RXRA: variants seen among roughly 807,000 people sequenced by gnomAD.
RXRA encodes the protein retinoid X receptor alpha, also known as retinoic acid receptor RXR-alpha.
A neutral mutation model predicts 44.5 loss-of-function variants in RXRA; 5 were observed. The observed-to-expected ratio is 0.11, with a 90% CI of 0.06 to 0.24. RXRA has a LOEUF of 0.24. Among genes scored for constraint, RXRA ranks in the 10% least tolerant of loss-of-function variants. The pLI is 1.00. For missense variants in RXRA, 412 were observed against 646.5 expected, an observed-to-expected ratio of 0.64 and a Z score of 3.93; for synonymous variants, 291 against 271.4, an observed-to-expected ratio of 1.07 and a Z score of -0.71.
chr9:134,432,089 T>TGCCGTCTGGGCTCCGCGGTTC (rs1831541505), intron 8 of RXRA, 93 bp downstream of exon 8: 1 of 950,178 alleles, frequency 1.1e-6, no homozygotes, highest in South Asian at 1.5e-5. Context: ...TGCCTCTGGC[T>TGCCGTCTGGGCTCCGCGGTTC]ACATGTGGGG....
intron 8 of RXRA, among the ~76,000 whole-genome samples, chr9:134,432,215 G>A (rs1229905867): frequency 3.3e-5 from 5 of 152,162 alleles, no homozygotes; most frequent in Non-Finnish European, 7.4e-5. Context: ...GGCACAGGGG[G>A]ACCCAGCAAG....
chr9:134,409,263 G>T, intron 4 of RXRA, 144 bp downstream of exon 4: 1 of 830,286 alleles, frequency 1.2e-6, no homozygotes. Flanking sequence ...AGTGGGGGCG[G>T]GGCCCAGCGC....
chr9:134,434,865 GA>G (rs1234625658), intron 9 of RXRA, among the ~76,000 whole-genome samples: 54 of 150,056 alleles, frequency 3.6e-4, no homozygotes, highest in African/African-American at 1.2e-3. Flanking sequence ...GTGGGGCGGG[GA>G]GGGGGTCGGG....
chr9:134,399,921 G>T (rs554518721), intron 1 of RXRA, among the ~76,000 whole-genome samples: 2 of 152,224 alleles, frequency 1.3e-5, no homozygotes, highest in African/African-American at 4.8e-5. Flanking sequence ...GAAGCAAGAG[G>T]GGGTGTGTGG....
At chr9:134,412,640 G>A (rs1462278297) in intron 4 of RXRA, among the ~76,000 whole-genome samples, 1 of 152,214 alleles carries the variant, frequency 6.6e-6, no homozygotes, top group African/African-American at 2.4e-5. Flanking sequence ...AGAGGTGGGG[G>A]GACGTGCAGT....
In RXRA at chr9:134,356,206, C is replaced by T. The variant is rs188846353; in HGVS notation, c.28+29547C>T. On this transcript the variant is annotated intron_variant, in intron 1 of 9. Transcript: ENST00000481739. Reference sequence around the variant, plus strand: ...GCCTCACCCTCACCTGGCTTCCTTGCCCCAGCCCTGCAAGGGAGGGGAACT... The same window carrying T: ...GCCTCACCCTCACCTGGCTTCCTTGTCCCAGCCCTGCAAGGGAGGGGAACT... Among the ~76,000 whole-genome samples the T allele has an allele frequency of 2.9e-3, 449 of 152,238 alleles. 2 individuals are homozygous for T. The highest frequency in any genetic ancestry group is 0.018 in the Admixed American group (271 of 15,298).
At chr9:134,409,159 G>T in intron 4 of RXRA, 40 bp downstream of exon 4, 1 of 1,501,268 alleles carries the variant, frequency 6.7e-7, no homozygotes, top group Non-Finnish European at 8.9e-7. Context: ...GCAGGTGTTG[G>T]ACAAACAGTG....
intron 1 of RXRA, chr9:134,401,429 G>A (rs914461394): frequency 2.6e-6 from 2 of 780,380 alleles, no homozygotes; most frequent in Non-Finnish European, 4.2e-6. Context: ...GCGCAGAACA[G>A]TACCTTGGAG....
intron 2 of RXRA, chr9:134,403,999 A>G (rs1287637626): frequency 3.3e-5 from 5 of 152,196 alleles, no homozygotes; most frequent in East Asian, 1.9e-4. Flanking sequence ...CCCAGAACCC[A>G]TAGCTCCTTC....
chr9:134,373,344 C>T (rs963111393), intron 1 of RXRA, among the ~76,000 whole-genome samples: 5 of 152,096 alleles, frequency 3.3e-5, no homozygotes, highest in Admixed American at 1.3e-4. Flanking sequence ...CTGTGGTCCA[C>T]GCCCGACTGT....
At chr9:134,363,379 G>A (rs1182451036) in intron 1 of RXRA, among the ~76,000 whole-genome samples, 1 of 152,242 alleles carries the variant, frequency 6.6e-6, no homozygotes, top group Non-Finnish European at 1.5e-5. Flanking sequence ...GCAGCGGGAG[G>A]TGGGAAGGCA....
At position 134,423,645 on chromosome 9, in the gene RXRA, G is replaced by A. The variant is rs115076978; in HGVS notation, c.910+1840G>A. The stretch of plus-strand genomic sequence containing the variant: ...ATCCCGCTGGCCTCGTGTCTGGTGG[G>A]TCCTTGCCCCTCTGGGCCTGAGGCA... On this transcript the variant is annotated intron_variant, in intron 6 of 9. Coordinates refer to ENST00000481739, the MANE Select transcript of RXRA (RefSeq NM_002957.6). 2.1e-3 allele frequency: 2,042 copies of A among 985,482 alleles called. 30 individuals carry two copies. In the African/African-American group the frequency reaches 0.033, roughly 16 times the overall value. The allele number at this position is 985,482 out of a possible 1,614,324, so 61.0% of individuals were successfully genotyped here.
At chr9:134,387,814 C>T (rs1239075120) in intron 1 of RXRA, among the ~76,000 whole-genome samples, 1 of 152,228 alleles carries the variant, frequency 6.6e-6, no homozygotes, top group Non-Finnish European at 1.5e-5. Flanking sequence ...CAGCTTCTCC[C>T]CTTTTCCCCA....
rs1398694299 is a variant in RXRA, at chr9:134,407,209, T to C, written c.280-940T>C. 2.6e-5 allele frequency among the ~76,000 whole-genome samples: 4 copies of C among 152,200 alleles called. No homozygotes were observed. Among genetic ancestry groups the C allele is most frequent in the Non-Finnish European group, 1.5e-5 (1 of 68,034 alleles). On this transcript the variant is annotated intron_variant, in intron 2 of 9. Transcript: ENST00000481739. This position sits in a 1 kb window ranked among gnomAD's most constrained non-coding sequence, Gnocchi z 4.8. ...GCGGTGGTTTCTGCTTTGCTTGCAT[T>C]GAGCCTCAAACTCTTCCTGTCCCGT...
intron 2 of RXRA, chr9:134,405,080 C>T (rs2119149301): frequency 1.3e-5 from 2 of 152,510 alleles, no homozygotes; most frequent in South Asian, 4.1e-4. Context: ...CCCTGGATAG[C>T]TGGGGGGCTG....
intron 1 of RXRA, among the ~76,000 whole-genome samples, chr9:134,394,825 G>A (rs756180386): frequency 5.3e-4 from 81 of 152,208 alleles, no homozygotes; most frequent in African/African-American, 8.7e-4. Flanking sequence ...GGCTGGGAGG[G>A]CAGAGGTGTG....
intron 2 of RXRA, chr9:134,405,843 T>C (rs1195791386): frequency 6.6e-6 from 1 of 152,614 alleles, no homozygotes; most frequent in East Asian, 1.9e-4. Flanking sequence ...CTGCCCCTGC[T>C]CTGACCTGAT....
At chr9:134,415,035 A>G (rs1407931681) in intron 4 of RXRA, among the ~76,000 whole-genome samples, 1 of 151,822 alleles carries the variant, frequency 6.6e-6, no homozygotes, top group African/African-American at 2.4e-5. Context: ...TCCTGCCCCC[A>G]CCCACCATCA....
At chr9:134,353,399 T>C (rs1284982587) in intron 1 of RXRA, among the ~76,000 whole-genome samples, 1 of 152,186 alleles carries the variant, frequency 6.6e-6, no homozygotes, top group Non-Finnish European at 1.5e-5. Context: ...AGTGCACATG[T>C]GTGCATGTGT....
Sources: gnomAD v4.1 joint callset for allele counts (sites outside exome capture counted in the v4.1 genomes callset) on GRCh38, gnomAD v4.1.1 for gene constraint, Gnocchi (gnomAD v3.1) non-coding constraint, MANE v1.5 for transcripts, NCBI Gene and HGNC (gene_info 2026-07-23, HGNC 2026-07-21) for gene names.